CADM2: variants seen among roughly 807,000 people sequenced by gnomAD.
The protein encoded by CADM2 is immunoglobulin superfamily member 4D.
A neutral mutation model predicts 49.8 loss-of-function variants in CADM2; 12 were observed. That is an observed-to-expected ratio of 0.24 (90% CI 0.15 to 0.39). CADM2 has a LOEUF of 0.39. CADM2 is among the 10% of genes least tolerant of loss of function. The pLI is 1.00. For missense variants in CADM2, 378 were observed against 492.3 expected (o/e 0.77, Z 2.20); for synonymous variants, 214 against 175.4 (o/e 1.22, Z -1.74).
intron 1 of CADM2, among the ~76,000 whole-genome samples, chr3:85,263,384 A>G (rs2043055848): frequency 6.6e-6 from 1 of 152,142 alleles, no homozygotes; most frequent in Non-Finnish European, 1.5e-5. Flanking sequence ...CAAATCAATA[A>G]TAAAATCTAA....
At chr3:85,064,226 T>G (rs1171620630) in intron 1 of CADM2, among the ~76,000 whole-genome samples, 1 of 152,108 alleles carries the variant, frequency 6.6e-6, no homozygotes, top group Non-Finnish European at 1.5e-5. Context: ...CTGTCACTCA[T>G]TCTCCAAAGA....
chr3:85,424,330 A>G (rs1281922637), intron 1 of CADM2, among the ~76,000 whole-genome samples: 1 of 151,420 alleles, frequency 6.6e-6, no homozygotes, highest in African/African-American at 2.4e-5. Flanking sequence ...AATAATATAT[A>G]TGTCTTCTAT....
Position 85,660,662 on chromosome 3 carries a change from C to A in CADM2, c.62-65860C>A, listed in dbSNP as rs960155403. On this transcript the variant is annotated intron_variant, in intron 1 of 9. Coordinates refer to ENST00000383699, the MANE Select transcript of CADM2 (RefSeq NM_001167675.2). Reference sequence around the variant, plus strand: ...GTTTATCAGCAGGGGGCAGGTTGATCCCTGTGGCTTATAATGGGCAAAGTA... The same window carrying A: ...GTTTATCAGCAGGGGGCAGGTTGATACCTGTGGCTTATAATGGGCAAAGTA... 2.0e-5 allele frequency among the ~76,000 whole-genome samples: 3 copies of A among 151,874 alleles called. No individual in the cohort carries two copies. The East Asian group carries it at 5.8e-4, about 29-fold the overall frequency.
intron 1 of CADM2, among the ~76,000 whole-genome samples, chr3:85,083,846 C>G (rs1188753208): frequency 6.6e-6 from 1 of 152,028 alleles, no homozygotes; most frequent in Admixed American, 6.6e-5. Context: ...AGAGCCACAA[C>G]ATGTATTCTA....
chr3:85,892,294 A>G (rs1714552806), intron 5 of CADM2, among the ~76,000 whole-genome samples: 1 of 152,172 alleles, frequency 6.6e-6, no homozygotes, highest in Non-Finnish European at 1.5e-5. Context: ...CAGGTGCCTA[A>G]ATGACTTGGA....
At chr3:85,803,176 A>G (rs1171110530) in intron 3 of CADM2, among the ~76,000 whole-genome samples, 1 of 152,120 alleles carries the variant, frequency 6.6e-6, no homozygotes, top group Non-Finnish European at 1.5e-5. Context: ...TAGATTTAAA[A>G]TGAAATCTTT....
At chr3:85,588,801 G>A (rs1576877287) in intron 1 of CADM2, among the ~76,000 whole-genome samples, 1 of 152,120 alleles carries the variant, frequency 6.6e-6, no homozygotes, top group South Asian at 2.1e-4. Flanking sequence ...TGCAAATAGT[G>A]CACCTGCCTG....
At chr3:85,671,219 G>C (rs2065725222) in intron 1 of CADM2, among the ~76,000 whole-genome samples, 1 of 152,056 alleles carries the variant, frequency 6.6e-6, no homozygotes, top group Non-Finnish European at 1.5e-5. Context: ...CCATCACTTG[G>C]AGCAACACAA....
At chr3:85,057,520 T>G (rs540817786) in intron 1 of CADM2, among the ~76,000 whole-genome samples, 9 of 152,276 alleles carry the variant, frequency 5.9e-5, no homozygotes, top group South Asian at 2.1e-4. Context: ...AACTTTGATG[T>G]TAGTTACTAT....
chr3:85,607,602 T>G (rs917851722), intron 1 of CADM2, among the ~76,000 whole-genome samples: 13 of 152,164 alleles, frequency 8.5e-5, no homozygotes, highest in African/African-American at 2.4e-4. Flanking sequence ...TATATGTCTG[T>G]ATCACAACAT....
chr3:85,942,956 G>A (rs1722137542), intron 7 of CADM2, among the ~76,000 whole-genome samples: 2 of 152,090 alleles, frequency 1.3e-5, no homozygotes, highest in South Asian at 4.1e-4. Context: ...CACCAACAGT[G>A]TAAAAGTGTT....
At chr3:85,511,945 A>G in intron 1 of CADM2, 1 of 797,832 alleles carries the variant, frequency 1.3e-6, no homozygotes, top group Non-Finnish European at 1.5e-6. Flanking sequence ...GCAATGTTCA[A>G]TATATAAATA....
intron 8 of CADM2, among the ~76,000 whole-genome samples, chr3:86,019,881 G>T (rs1175482028): frequency 6.6e-6 from 1 of 151,964 alleles, no homozygotes; most frequent in Non-Finnish European, 1.5e-5. Context: ...TCCTTCTCCT[G>T]CCTAATTGCC....
intron 5 of CADM2, among the ~76,000 whole-genome samples, chr3:85,907,708 C>T (rs548671841): frequency 2.0e-5 from 3 of 152,060 alleles, no homozygotes; most frequent in Non-Finnish European, 4.4e-5. Flanking sequence ...GTCAGGAGTT[C>T]GAGACCAGCC....
chr3:85,468,133 G>T (rs547012969), intron 1 of CADM2, among the ~76,000 whole-genome samples: 6 of 125,274 alleles, frequency 4.8e-5, no homozygotes, highest in Non-Finnish European at 7.9e-5. Flanking sequence ...CAGCCTGGGC[G>T]ACAGAGCGAG....
intron 1 of CADM2, among the ~76,000 whole-genome samples, chr3:85,201,936 T>C (rs2041513505): frequency 6.6e-6 from 1 of 151,690 alleles, no homozygotes; most frequent in Admixed American, 6.6e-5. Flanking sequence ...CAAAAATTCG[T>C]TGGGCTTGTG....
chr3:85,594,758 C>T (rs2063197233), intron 1 of CADM2, among the ~76,000 whole-genome samples: 1 of 151,886 alleles, frequency 6.6e-6, no homozygotes, highest in African/African-American at 2.4e-5. Context: ...TTTAAAAATG[C>T]TTTGTTTATA....
rs186870537 is a variant in CADM2 at position 85,560,759 on chromosome 3, T to C, written c.62-165763T>C. Among the ~76,000 whole-genome samples the C allele has an allele frequency of 2.5e-3, 386 of 152,336 alleles. 5 individuals are homozygous for C. The highest frequency in any genetic ancestry group is 8.9e-3 in the African/African-American group (370 of 41,578). On this transcript the variant is annotated intron_variant, in intron 1 of 9. Transcript: ENST00000383699. ...TTTTGTTACTCATTTATACAACAAT[T>C]GTAAGTAAATAGGGTCATTTAAGTA...
intron 1 of CADM2, among the ~76,000 whole-genome samples, chr3:85,186,534 G>T (rs757408585): frequency 6.6e-6 from 1 of 151,828 alleles, no homozygotes; most frequent in Non-Finnish European, 1.5e-5. Context: ...GTGGTATAAA[G>T]AAATAAACAT....
Sources: allele counts gnomAD v4.1 joint callset (sites outside exome capture counted in the v4.1 genomes callset), GRCh38; gene constraint gnomAD v4.1.1; transcripts MANE v1.5; gene names NCBI Gene and HGNC (gene_info 2026-07-23, HGNC 2026-07-21).